The following CREB3L3 variants were observed in gnomAD, a reference collection of about 807,000 sequenced individuals.
CREB3L3 encodes cyclic AMP-responsive element-binding protein 3-like protein 3.
Under a neutral mutation model 44.6 loss-of-function variants are expected in CREB3L3, and 40 were observed. The observed-to-expected ratio is 0.90, with a 90% CI of 0.70 to 1.17. The LOEUF (loss-of-function observed/expected upper bound fraction) is 1.17, where lower values mean the gene tolerates loss of function less well. Among genes scored for constraint, CREB3L3 ranks in the 50% most tolerant of loss-of-function variants. The probability of loss-of-function intolerance (pLI) is 0.00; values close to 1 mark genes in which losing one functional copy is unlikely to be tolerated. For missense variants in CREB3L3, 578 were observed against 595.8 expected (o/e 0.97, Z 0.31); for synonymous variants, 273 against 256.3 (o/e 1.06, Z -0.62).
chr19:4,172,318 A>AACAG lies in CREB3L3; in HGVS notation c.*361_*364dup, dbSNP rs796654166. 7.9e-6 allele frequency: 3 copies of AACAG among 379,414 alleles called. No individual in the cohort carries two copies. Among genetic ancestry groups the AACAG allele is most frequent in the African/African-American group, 2.5e-5 (1 of 39,862 alleles). 23.5% of individuals were successfully genotyped at this position (379,414 alleles called of 1,614,324 possible). A position where few individuals can be genotyped will look rare whatever the true frequency, so the allele number is the denominator to read the frequency against. ...ACACAGCCTGAAACAGACCCAGACA[A>AACAG]ACAGACAGACAGACACAGCCTGAAA... On this transcript the variant is annotated 3_prime_UTR_variant, in exon 10 of 10. Coordinates refer to ENST00000078445, the MANE Select transcript of CREB3L3 (RefSeq NM_032607.3).
intron 5 of CREB3L3, among the ~76,000 whole-genome samples, chr19:4,167,494 AAGAGAAAGAGAAAG>A (rs1555703984): frequency 1.5e-5 from 2 of 129,710 alleles, no homozygotes; most frequent in African/African-American, 6.6e-5. Context: ...GAAAGAGAGA[AAGAGAAAGAGAAAG>A]AGAGAAAGAG....
At chr19:4,158,781 C>T in intron 3 of CREB3L3, among the ~76,000 whole-genome samples, 1 of 136,886 alleles carries the variant, frequency 7.3e-6, no homozygotes, top group African/African-American at 2.8e-5. Flanking sequence ...AGCCTGGCGA[C>T]AGAGCGAGAC....
rs768225122 is a variant in CREB3L3 at position 4,171,518 on chromosome 19, C to T, written c.1072+39C>T. 4 of 1,609,454 alleles carry T rather than the reference C, an allele frequency of 2.5e-6. No homozygotes were observed. The highest frequency in any genetic ancestry group is 2.7e-5 in the African/African-American group (2 of 74,792). ...ACCTTTGAAACCCTTGTCTGGTCTC[C>T]CCAAGTCCCCGTCCTGGGCCTCTGG... is the stretch of plus-strand genomic sequence containing the variant. On this transcript the variant is annotated intron_variant, in intron 9 of 9. Coordinates refer to ENST00000078445, the MANE Select transcript of CREB3L3 (RefSeq NM_032607.3). This position sits in a 1 kb window ranked among gnomAD's most constrained non-coding sequence, Gnocchi z 4.9.
intron 5 of CREB3L3, among the ~76,000 whole-genome samples, 191 bp downstream of exon 5, chr19:4,164,831 C>T (rs2041705371): frequency 6.6e-6 from 1 of 152,140 alleles, no homozygotes; most frequent in Non-Finnish European, 1.5e-5. Flanking sequence ...GCCTCAGCCT[C>T]CTGAGTAGCT....
chr19:4,159,566 C>G lies in CREB3L3; in HGVS notation c.458-98C>G, dbSNP rs16992285. 5.7e-3 allele frequency: 4,377 copies of G among 768,050 alleles called. 120 individuals are homozygous for G. The African/African-American group carries it at 0.064, about 11-fold the overall frequency. 47.6% of individuals were successfully genotyped at this position (768,050 alleles called of 1,614,324 possible). ...AAGTCATATGAATGTTGGGATTAAT[C>G]ATGGGAGACTTGGTGGAGGAGGCGG... On this transcript the variant is annotated intron_variant, in intron 3 of 9. Transcript: ENST00000078445.
intron 3 of CREB3L3, among the ~76,000 whole-genome samples, chr19:4,157,803 A>G (rs1484064408): frequency 6.6e-6 from 1 of 151,978 alleles, no homozygotes; most frequent in Non-Finnish European, 1.5e-5. Context: ...CACCTGCCTC[A>G]GCCTCCTGAG....
At chr19:4,163,103 C>G (rs905082714) in intron 4 of CREB3L3, among the ~76,000 whole-genome samples, 1 of 151,962 alleles carries the variant, frequency 6.6e-6, no homozygotes, top group Non-Finnish European at 1.5e-5. Flanking sequence ...GTCAGGAGAT[C>G]GAGACCTTCC....
At chr19:4,164,379 A>G in intron 4 of CREB3L3, 124 bp from the exon 5 acceptor site, 2 of 1,187,666 alleles carry the variant, frequency 1.7e-6, no homozygotes, top group Non-Finnish European at 2.5e-6. Context: ...AAGTGCTGGG[A>G]TGACAGGCGT....
At position 4,172,090 on chromosome 19, in the gene CREB3L3, T is replaced by A; in HGVS notation, c.*121T>A. The A allele has an allele frequency of 2.8e-6, 3 of 1,065,732 alleles. No individual in the cohort carries two copies. The highest frequency in any genetic ancestry group is 4.0e-6 in the Non-Finnish European group (3 of 758,698). 66.0% of individuals were successfully genotyped at this position (1,065,732 alleles called of 1,614,324 possible). A position where few individuals can be genotyped will look rare whatever the true frequency, so the allele number is the denominator to read the frequency against. ...CAAGACCCCAGCAGAGATGCCAGAA[T>A]GGGGGAGGCACAGCTCATAGCCACA... On this transcript the variant is annotated 3_prime_UTR_variant, in exon 10 of 10. Coordinates refer to ENST00000078445, the MANE Select transcript of CREB3L3 (RefSeq NM_032607.3).
rs1040606828 is a variant in CREB3L3, at chr19:4,166,658, A to C, written c.715-1693A>C. Among the ~76,000 whole-genome samples, 3 of 151,378 alleles carry C rather than the reference A, an allele frequency of 2.0e-5. No homozygotes were observed. The East Asian group carries it at 5.8e-4, about 29-fold the overall frequency. ...CAGTCCTCTGACCTTGGCCTCCCAA[A>C]GTGTTAAGATTACAGGTGTGAGCCA... On this transcript the variant is annotated intron_variant, in intron 5 of 9. Transcript: ENST00000078445.
At chr19:4,165,277 C>T (rs1472609344) in intron 5 of CREB3L3, among the ~76,000 whole-genome samples, 2 of 152,044 alleles carry the variant, frequency 1.3e-5, no homozygotes, top group East Asian at 3.9e-4. Context: ...AAGAGATCCT[C>T]CCGCCTCAGC....
Position 4,157,312 on chromosome 19 carries a change from C to A in CREB3L3, c.457+17C>A. 1 of 1,613,602 alleles carries A rather than the reference C, an allele frequency of 6.2e-7. No individual in the cohort carries two copies. Among genetic ancestry groups the A allele is most frequent in the Non-Finnish European group, 8.5e-7 (1 of 1,179,568 alleles). On this transcript the variant is annotated intron_variant, in intron 3 of 9. Transcript: ENST00000078445. Reference sequence around the variant, plus strand: ...TAGACCTGGGTGAGTCCTGCTGTGTCTCTGCCCACCGCCCTCACCTTGTTC... The same window carrying A: ...TAGACCTGGGTGAGTCCTGCTGTGTATCTGCCCACCGCCCTCACCTTGTTC...
rs1266843849 is a variant in CREB3L3, at chr19:4,171,867, A to G, written c.1284A>G (p.Ala428=). The change falls in exon 10 of 10, where the codon GCA becomes GCG. Residue 428 remains alanine (A), a synonymous_variant. Coordinates refer to ENST00000078445, the MANE Select transcript of CREB3L3 (RefSeq NM_032607.3). This position sits in a 1 kb window ranked among gnomAD's most constrained non-coding sequence, Gnocchi z 4.9. ...ACGCCACCCTGGTCCTGAGGAATGCAACAGAGGGGCTGGGCCAGGTCGCCC... is the reference window on the plus strand; with the variant it reads ...ACGCCACCCTGGTCCTGAGGAATGCGACAGAGGGGCTGGGCCAGGTCGCCC... ...LDNATLVLRN[A]TEGLGQVALL... is the part of the protein sequence containing the mutation. The G allele has an allele frequency of 1.2e-6, 2 of 1,613,466 alleles. No individual in the cohort carries two copies. The highest frequency in any genetic ancestry group is 3.3e-5 in the Admixed American group (2 of 60,018).
chr19:4,154,494 C>T (rs1017203887), intron 1 of CREB3L3, among the ~76,000 whole-genome samples: 2 of 152,104 alleles, frequency 1.3e-5, no homozygotes, highest in African/African-American at 2.4e-5. Flanking sequence ...CTCAGCCTCC[C>T]CAGTAGCTGG....
At chr19:4,158,567 C>T (rs530866081) in intron 3 of CREB3L3, among the ~76,000 whole-genome samples, 4 of 151,592 alleles carry the variant, frequency 2.6e-5, no homozygotes, top group East Asian at 2.0e-4. Context: ...TTTGGGAGGC[C>T]GAAGCGAGCG....
Position 4,163,807 on chromosome 19 carries a change from C to CTT in CREB3L3, c.577-682_577-681dup, listed in dbSNP as rs201891215. On this transcript the variant is annotated intron_variant, in intron 4 of 9. Coordinates refer to ENST00000078445, the MANE Select transcript of CREB3L3 (RefSeq NM_032607.3). ...GGACTACAGACGTGAGCCACCTTTT[C>CTT]TTTTTTTTTTTTTTTGAGACAGAGT... is the stretch of plus-strand genomic sequence containing the variant. 2.9e-4 allele frequency among the ~76,000 whole-genome samples: 39 copies of CTT among 134,226 alleles called. No homozygotes were observed. The East Asian group carries it at 3.2e-3, about 11-fold the overall frequency. 88.1% of individuals were successfully genotyped at this position (134,226 alleles called of 152,430 possible). A position where few individuals can be genotyped will look rare whatever the true frequency, so the allele number is the denominator to read the frequency against.
In CREB3L3 at chr19:4,155,034, A is replaced by T; in HGVS notation, c.156+7A>T. 1 of 1,604,394 alleles carries T rather than the reference A, an allele frequency of 6.2e-7. No homozygotes were observed. Among genetic ancestry groups the T allele is most frequent in the South Asian group, 1.1e-5 (1 of 91,076 alleles). ...GGGTCACGTCAAGGACCAGGTGAGGAGTCCACTGCAGTTGCCCCGGGACCA... is the reference window on the plus strand; with the variant it reads ...GGGTCACGTCAAGGACCAGGTGAGGTGTCCACTGCAGTTGCCCCGGGACCA... On this transcript the variant is annotated splice_region_variant and intron_variant, in intron 2 of 9. Coordinates refer to ENST00000078445, the MANE Select transcript of CREB3L3 (RefSeq NM_032607.3).
intron 3 of CREB3L3, 74 bp from the exon 4 acceptor site, chr19:4,159,590 G>T: frequency 1.3e-6 from 1 of 790,986 alleles, no homozygotes; most frequent in Admixed American, 1.7e-5. Flanking sequence ...TGGAGGAGGC[G>T]GTTAGAGGCT....
rs1034184949 is a variant in CREB3L3, at chr19:4,153,680, C to G, written c.-68C>G. ...CTTGCCCGGCCCCAGGTAACGCTGG[C>G]GGTGGGTGGGCCTCCAGCTTGGAGC... On this transcript the variant is annotated 5_prime_UTR_variant, in exon 1 of 10. Coordinates refer to ENST00000078445, the MANE Select transcript of CREB3L3 (RefSeq NM_032607.3). The G allele has an allele frequency of 2.5e-6, 4 of 1,588,908 alleles. No individual in the cohort carries two copies. Among genetic ancestry groups the G allele is most frequent in the Non-Finnish European group, 3.5e-6 (4 of 1,159,116 alleles).
Sources: allele counts gnomAD v4.1 joint callset (sites outside exome capture counted in the v4.1 genomes callset), GRCh38; gene constraint gnomAD v4.1.1; non-coding constraint Gnocchi (gnomAD v3.1); transcripts MANE v1.5; gene names NCBI Gene and HGNC (gene_info 2026-07-23, HGNC 2026-07-21).